Variants in EYA3 observed in about 807,000 individuals in gnomAD.
EYA3 encodes protein phosphatase EYA3.
Under a neutral mutation model 80.0 loss-of-function variants are expected in EYA3, and 39 were observed. The ratio of observed to expected loss-of-function variants is 0.49; its 90% CI spans 0.38 to 0.64. EYA3 has a LOEUF of 0.64. Among genes scored for constraint, EYA3 ranks in the 30% least tolerant of loss-of-function variants. EYA3 has a pLI of 0.00. For synonymous variants in EYA3, 206 were observed against 232.8 expected (o/e 0.88, Z 1.05); for missense variants, 523 against 676.1 (o/e 0.77, Z 2.51).
At position 28,073,103 on chromosome 1, in the gene EYA3, T is replaced by TTCTATATATATATATATATATATATATA. The variant is rs1447435853; in HGVS notation, c.-68-15010_-68-15009insTATATATATATATATATATATATATAGA. Among the ~76,000 whole-genome samples, 158 of 37,730 alleles carry TTCTATATATATATATATATATATATATA rather than the reference T, an allele frequency of 4.2e-3. 19 individuals are homozygous for TTCTATATATATATATATATATATATATA. The highest frequency in any genetic ancestry group is 5.0e-3 in the Non-Finnish European group (117 of 23,414). The allele number at this position is 37,730 out of a possible 152,430, so 24.8% of individuals were successfully genotyped here. On this transcript the variant is annotated intron_variant, in intron 1 of 17. Transcript: ENST00000373871. ...ATCCTTTTTGGGATTGATGAAACTA[T>TTCTATATATATATATATATATATATATA]TATATATATATATATATATATATAT...
intron 1 of EYA3, among the ~76,000 whole-genome samples, chr1:28,063,305 A>T (rs202202549): frequency 0.084 from 6,359 of 75,632 alleles, 157 homozygotes; most frequent in Middle Eastern, 0.11. Context: ...ATATATATAT[A>T]TTTTTTTTTA....
chr1:28,088,013 A>G (rs1645728718), intron 1 of EYA3, among the ~76,000 whole-genome samples: 1 of 152,172 alleles, frequency 6.6e-6, no homozygotes. Flanking sequence ...CAGGAGAAGC[A>G]CTGTCACCTA....
chr1:28,082,086 C>T (rs1015292540), intron 1 of EYA3, among the ~76,000 whole-genome samples: 1 of 152,018 alleles, frequency 6.6e-6, no homozygotes, highest in African/African-American at 2.4e-5. Flanking sequence ...ACAATACTTT[C>T]CCACCAAGTG....
At chr1:28,062,016 G>A (rs992660897) in intron 1 of EYA3, among the ~76,000 whole-genome samples, 5 of 152,148 alleles carry the variant, frequency 3.3e-5, no homozygotes, top group African/African-American at 1.2e-4. Context: ...TAACACAGAA[G>A]TGAAAAGTGG....
intron 8 of EYA3, 36 bp downstream of exon 8, chr1:28,017,118 C>T (rs967181886): frequency 6.5e-7 from 1 of 1,544,894 alleles, no homozygotes; most frequent in Middle Eastern, 1.7e-4. Context: ...GCTGGATGAA[C>T]TCTATCAAAC....
At chr1:28,081,336 C>T (rs368121409) in intron 1 of EYA3, among the ~76,000 whole-genome samples, 192 of 152,304 alleles carry the variant, frequency 1.3e-3, no homozygotes, top group African/African-American at 4.4e-3. Flanking sequence ...TGTTGCCTAA[C>T]TACTGCTTCC....
At chr1:27,985,426 T>C (rs562217928) in intron 16 of EYA3, among the ~76,000 whole-genome samples, 2 of 152,096 alleles carry the variant, frequency 1.3e-5, no homozygotes, top group East Asian at 3.9e-4. Flanking sequence ...AGTTGATCAC[T>C]CTTCCTTCAT....
At chr1:28,010,590 G>A (rs1014312807) in intron 10 of EYA3, among the ~76,000 whole-genome samples, 1 of 151,964 alleles carries the variant, frequency 6.6e-6, no homozygotes, top group African/African-American at 2.4e-5. Context: ...TCACTATGTT[G>A]CCTAGGCTGG....
chr1:28,068,017 TC>T (rs749777287), intron 1 of EYA3, among the ~76,000 whole-genome samples: 1 of 152,192 alleles, frequency 6.6e-6, no homozygotes, highest in Non-Finnish European at 1.5e-5. Context: ...AAGTTTTTTG[TC>T]CTCTTTATGT....
At chr1:28,041,484 C>T (rs1467693205) in intron 4 of EYA3, among the ~76,000 whole-genome samples, 1 of 151,812 alleles carries the variant, frequency 6.6e-6, no homozygotes, top group Non-Finnish European at 1.5e-5. Flanking sequence ...ACCCGGGAGG[C>T]GGAGGTTGTA....
At chr1:28,082,865 C>T (rs574661020) in intron 1 of EYA3, among the ~76,000 whole-genome samples, 152 of 152,086 alleles carry the variant, frequency 1.0e-3, no homozygotes, top group Non-Finnish European at 2.0e-3. Flanking sequence ...ATTTTTCTAA[C>T]GGGGGAGGAA....
intron 1 of EYA3, among the ~76,000 whole-genome samples, chr1:28,070,525 G>A (rs1644985082): frequency 6.6e-6 from 1 of 152,012 alleles, no homozygotes; most frequent in Non-Finnish European, 1.5e-5. Flanking sequence ...TCATGCCACT[G>A]CACTCTAGCC....
At chr1:27,989,845 G>T in intron 14 of EYA3, 34 bp from the exon 15 acceptor site, 1 of 1,396,404 alleles carries the variant, frequency 7.2e-7, no homozygotes, top group South Asian at 1.2e-5. Context: ...TTTATCATTT[G>T]ACAACATATA....
intron 2 of EYA3, among the ~76,000 whole-genome samples, chr1:28,056,455 A>C (rs1441437058): frequency 6.6e-6 from 1 of 152,090 alleles, no homozygotes; most frequent in East Asian, 1.9e-4. Flanking sequence ...CTCTTGTTTC[A>C]AGGGGAACTA....
At chr1:27,989,929 T>C (rs1639921032) in intron 14 of EYA3, 118 bp from the exon 15 acceptor site, 2 of 505,180 alleles carry the variant, frequency 4.0e-6, no homozygotes, top group Admixed American at 7.1e-5. Flanking sequence ...CTACTGAGTA[T>C]GTTTATATAT....
Position 27,993,399 on chromosome 1 carries a change from C to A in EYA3, c.1303+1G>T, listed in dbSNP as rs1349715535. On this transcript the variant is annotated splice_donor_variant, in intron 14 of 17. Transcript: ENST00000373871. LOFTEE classifies it high-confidence loss of function. ...TCAGACTGGTTATATGCCACACTTA[C>A]CACCCACGTTGCTTTTATGCTTATC... is the stretch of plus-strand genomic sequence containing the variant. 1.2e-6 allele frequency: 2 copies of A among 1,612,602 alleles called. No individual in the cohort carries two copies. Among genetic ancestry groups the A allele is most frequent in the Non-Finnish European group, 1.7e-6 (2 of 1,179,536 alleles).
intron 10 of EYA3, among the ~76,000 whole-genome samples, chr1:28,005,152 TC>T (rs1641175997): frequency 1.3e-5 from 2 of 152,158 alleles, no homozygotes; most frequent in African/African-American, 4.8e-5. Context: ...GAATACAAAA[TC>T]CGGTAAGAGC....
intron 11 of EYA3, among the ~76,000 whole-genome samples, chr1:28,000,493 T>C (rs1324083567): frequency 1.3e-5 from 2 of 152,082 alleles, no homozygotes; most frequent in Non-Finnish European, 2.9e-5. Context: ...TTTGTATTTT[T>C]AGTAGAGACA....
chr1:28,000,891 T>C (rs1473587047), intron 11 of EYA3, among the ~76,000 whole-genome samples: 3 of 152,150 alleles, frequency 2.0e-5, no homozygotes, highest in Admixed American at 6.6e-5. Flanking sequence ...GGTGAAACCA[T>C]GTCTCTACAA....
Sources: gnomAD v4.1 joint callset for allele counts (sites outside exome capture counted in the v4.1 genomes callset) on GRCh38, gnomAD v4.1.1 for gene constraint, MANE v1.5 for transcripts, NCBI Gene and HGNC (gene_info 2026-07-23, HGNC 2026-07-21) for gene names.